The following PBX4 variants were observed in gnomAD, a reference collection of about 807,000 sequenced individuals.
The protein encoded by PBX4 is pre-B-cell leukemia transcription factor 4.
Under a neutral mutation model 35.1 loss-of-function variants are expected in PBX4, and 26 were observed. The ratio of observed to expected loss-of-function variants is 0.74; its 90% confidence interval spans 0.54 to 1.03. The LOEUF is 1.03. Ranked by LOEUF, PBX4 falls within the 50% of genes least tolerant of loss-of-function variation. PBX4 has a pLI of 0.00. For missense variants in PBX4, 448 were observed against 504.3 expected (o/e 0.89, Z 1.07); for synonymous variants, 199 against 204.2 (o/e 0.97, Z 0.22).
At chr19:19,594,294 A>T (rs1425167122) in intron 2 of PBX4, among the ~76,000 whole-genome samples, 2 of 148,246 alleles carry the variant, frequency 1.3e-5, no homozygotes, top group African/African-American at 2.5e-5. Context: ...AATCCCAACT[A>T]CTCGGGAGGC....
chr19:19,583,768 T>G (rs1398428495), intron 2 of PBX4, among the ~76,000 whole-genome samples: 2 of 151,780 alleles, frequency 1.3e-5, no homozygotes, highest in South Asian at 2.1e-4. Flanking sequence ...CTGGCCAACA[T>G]AGTGAAACCC....
At position 19,570,758 on chromosome 19, in the gene PBX4, G is replaced by GCCAGCAGCATGTTAT; in HGVS notation, c.254_268dup (p.Asp85_Leu89dup). 1 of 1,614,102 alleles carries GCCAGCAGCATGTTAT rather than the reference G, an allele frequency of 6.2e-7. No individual in the cohort carries two copies. Among genetic ancestry groups the GCCAGCAGCATGTTAT allele is most frequent in the East Asian group, 2.2e-5 (1 of 44,882 alleles). Reference sequence around the variant, plus strand: ...CTTCTCGGGCCTGCACACGCCCTCAGCCAGCAGCATGTTATCCAGCCTCAG... The same window carrying GCCAGCAGCATGTTAT: ...CTTCTCGGGCCTGCACACGCCCTCAGCCAGCAGCATGTTATCCAGCAGCATGTTATCCAGCCTCAG... On this transcript the variant is annotated inframe_insertion, in exon 3 of 8. Coordinates refer to ENST00000251203, the MANE Select transcript of PBX4 (RefSeq NM_025245.3).
intron 5 of PBX4, among the ~76,000 whole-genome samples, chr19:19,566,700 CTTTTTTTT>C (rs34778928): frequency 4.4e-4 from 43 of 97,904 alleles, no homozygotes; most frequent in African/African-American, 1.6e-3. Context: ...AATTTTTGTA[CTTTTTTTT>C]TTTTTTTTTT....
At chr19:19,588,226 A>G in intron 2 of PBX4, 1 of 1,366,520 alleles carries the variant, frequency 7.3e-7, no homozygotes, top group South Asian at 1.2e-5. Flanking sequence ...CAGAGACCCC[A>G]GGGCCTCCAC....
Position 19,561,750 on chromosome 19 carries a change from C to A in PBX4, c.*275G>T. On this transcript the variant is annotated 3_prime_UTR_variant, in exon 8 of 8. Coordinates refer to ENST00000251203, the MANE Select transcript of PBX4 (RefSeq NM_025245.3). ...AAAAATTTTAATGGGAAAATCTGTG[C>A]CCAGTCCTAGAACAGACAATTCAAT... The A allele has an allele frequency of 3.1e-6, 1 of 318,206 alleles. No individual in the cohort carries two copies. Among genetic ancestry groups the A allele is most frequent in the South Asian group, 1.0e-4 (1 of 9,916 alleles). The allele number at this position is 318,206 out of a possible 1,614,324, so 19.7% of individuals were successfully genotyped here.
At chr19:19,607,112 G>A (rs918374876) in intron 1 of PBX4, among the ~76,000 whole-genome samples, 1 of 152,128 alleles carries the variant, frequency 6.6e-6, no homozygotes, top group Non-Finnish European at 1.5e-5. Flanking sequence ...GGAATGCAGT[G>A]GCATGATCTC....
rs1021296680 is a variant in PBX4, at chr19:19,599,362, C to T, written c.123G>A (p.Lys41=). 4 of 1,612,916 alleles carry T rather than the reference C, an allele frequency of 2.5e-6. No homozygotes were observed. The highest frequency in any genetic ancestry group is 1.7e-4 in the Middle Eastern group (1 of 6,050). ...TCATCCGATGGCAATTCAGAGCATG[C>T]TTTCTGAAAGGGAGGTGACAGAGGA... The part of the protein sequence containing the change: ...DQSLDEAQAR[K]HALNCHRMKP... The change falls in exon 2 of 8, where the codon AAG becomes AAA. Residue 41 remains lysine, a synonymous_variant. Transcript: ENST00000251203.
chr19:19,609,098 T>C (rs2061647846), intron 1 of PBX4, among the ~76,000 whole-genome samples: 1 of 152,188 alleles, frequency 6.6e-6, no homozygotes, highest in Non-Finnish European at 1.5e-5. Flanking sequence ...TGGGCTCCTC[T>C]GAGCAGGAAG....
At chr19:19,596,908 C>A in intron 2 of PBX4, among the ~76,000 whole-genome samples, 1 of 135,350 alleles carries the variant, frequency 7.4e-6, no homozygotes, top group Non-Finnish European at 1.6e-5. Flanking sequence ...GAGACCCTGT[C>A]TCCAAAAAAA....
At chr19:19,585,158 T>C (rs1447167773) in intron 2 of PBX4, among the ~76,000 whole-genome samples, 1 of 151,982 alleles carries the variant, frequency 6.6e-6, no homozygotes, top group East Asian at 1.9e-4. Flanking sequence ...AAACCCCATC[T>C]CTATTAAAAA....
intron 2 of PBX4, among the ~76,000 whole-genome samples, chr19:19,577,203 A>AAT (rs2061425030): frequency 6.6e-6 from 1 of 152,032 alleles, no homozygotes; most frequent in Non-Finnish European, 1.5e-5. Flanking sequence ...TCAAAAAAAA[A>AAT]AAAAAAAAAC....
At chr19:19,582,880 C>A (rs971813759) in intron 2 of PBX4, among the ~76,000 whole-genome samples, 9 of 152,252 alleles carry the variant, frequency 5.9e-5, no homozygotes, top group South Asian at 2.1e-4. Context: ...GCATGCTCCC[C>A]CTTAGGGGTT....
rs138190145 is a variant in PBX4 at position 19,588,106 on chromosome 19, C to T, written c.193+11186G>A. The stretch of plus-strand genomic sequence containing the variant: ...CTTACCAATCACCTCTTCTTGAAGC[C>T]GTATTTTTTGCGTTCATAGAAGAGG... On this transcript the variant is annotated intron_variant, in intron 2 of 7. Coordinates refer to ENST00000251203, the MANE Select transcript of PBX4 (RefSeq NM_025245.3). 1,432 of 954,950 alleles carry T rather than the reference C, an allele frequency of 1.5e-3. 16 individuals carry two copies. The African/African-American group carries it at 0.021, about 14-fold the overall frequency. 59.2% of individuals were successfully genotyped at this position (954,950 alleles called of 1,614,324 possible). A position where few individuals can be genotyped will look rare whatever the true frequency, so the allele number is the denominator to read the frequency against.
intron 1 of PBX4, chr19:19,606,429 T>C (rs2061631567): frequency 6.6e-6 from 1 of 152,272 alleles, no homozygotes; most frequent in South Asian, 2.1e-4. Flanking sequence ...AACCCCATGC[T>C]CTGGATAGGA....
Position 19,618,634 on chromosome 19 carries a change from G to C in PBX4, c.-5C>G, listed in dbSNP as rs112396932. ...GGGGCGCGGCGGGGCGGCCATGAGC[G>C]GCAGGGCCGGGCGGGCGCTGTGAGG... On this transcript the variant is annotated 5_prime_UTR_variant, in exon 1 of 8. Transcript: ENST00000251203. 0.011 allele frequency: 13,889 copies of C among 1,221,166 alleles called. 112 individuals carry two copies. The highest frequency in any genetic ancestry group is 0.019 in the South Asian group (480 of 25,336). The allele number at this position is 1,221,166 out of a possible 1,614,324, so 75.6% of individuals were successfully genotyped here. A position where few individuals can be genotyped will look rare whatever the true frequency, so the allele number is the denominator to read the frequency against.
chr19:19,618,670 G>T lies in PBX4; in HGVS notation c.-41C>A. On this transcript the variant is annotated 5_prime_UTR_variant, in exon 1 of 8. Coordinates refer to ENST00000251203, the MANE Select transcript of PBX4 (RefSeq NM_025245.3). Reference sequence around the variant, plus strand: ...GCGGGCGCTGTGAGGGTGCCGTCGAGCCTGGAGCACTACCACTGGCGCCGC... The same window carrying T: ...GCGGGCGCTGTGAGGGTGCCGTCGATCCTGGAGCACTACCACTGGCGCCGC... The T allele has an allele frequency of 7.6e-6, 9 of 1,188,132 alleles. No individual in the cohort carries two copies. The highest frequency in any genetic ancestry group is 9.4e-6 in the Non-Finnish European group (9 of 959,882). The allele number at this position is 1,188,132 out of a possible 1,614,324, so 73.6% of individuals were successfully genotyped here.
At chr19:19,594,984 A>G (rs2061552655) in intron 2 of PBX4, among the ~76,000 whole-genome samples, 1 of 152,172 alleles carries the variant, frequency 6.6e-6, no homozygotes, top group African/African-American at 2.4e-5. Context: ...GGCCTCCCAA[A>G]GTGCTGGGAT....
intron 2 of PBX4, among the ~76,000 whole-genome samples, chr19:19,587,465 G>A (rs568321927): frequency 6.6e-6 from 1 of 151,348 alleles, no homozygotes; most frequent in African/African-American, 2.4e-5. Flanking sequence ...GCGGACTCCT[G>A]TAATCCCAGC....
At chr19:19,578,773 G>A (rs1196119022) in intron 2 of PBX4, among the ~76,000 whole-genome samples, 5 of 152,150 alleles carry the variant, frequency 3.3e-5, no homozygotes, top group Admixed American at 6.5e-5. Flanking sequence ...TTCACATGTC[G>A]AAGCCCTAAC....
Sources: gnomAD v4.1 joint callset for allele counts (sites outside exome capture counted in the v4.1 genomes callset) on GRCh38, gnomAD v4.1.1 for gene constraint, MANE v1.5 for transcripts, NCBI Gene and HGNC (gene_info 2026-07-23, HGNC 2026-07-21) for gene names.